The following NLRP14 variants were observed in gnomAD, a reference collection of about 807,000 sequenced individuals.
NLRP14 encodes NACHT, LRR and PYD domains-containing protein 14.
Under a neutral mutation model 94.7 loss-of-function variants are expected in NLRP14, and 105 were observed. That is an observed-to-expected ratio of 1.11 (90% CI 0.95 to 1.30). The LOEUF (loss-of-function observed/expected upper bound fraction) is 1.30, where lower values mean the gene tolerates loss of function less well. Among genes scored for constraint, NLRP14 ranks in the 50% most tolerant of loss-of-function variants. NLRP14 has a pLI of 0.00. For missense variants in NLRP14, 1,362 were observed against 1,254.1 expected (o/e 1.09, Z -1.30); for synonymous variants, 508 against 459.9 (o/e 1.10, Z -1.34).
chr11:7,027,925 C>G (rs1271280100), intron 1 of NLRP14, among the ~76,000 whole-genome samples: 1 of 152,066 alleles, frequency 6.6e-6, no homozygotes, highest in African/African-American at 2.4e-5. Context: ...CAGGTTTTTC[C>G]TCTCTGGATG....
At chr11:7,073,225 T>A (rs1188094361), downstream of NLRP14, among the ~76,000 whole-genome samples, 1 of 152,218 alleles carries the variant, frequency 6.6e-6, no homozygotes, top group Non-Finnish European at 1.5e-5. Flanking sequence ...CCAGCTCAGA[T>A]TCTGGGAGAA....
At chr11:7,055,736 C>CT (rs1852507056) in intron 6 of NLRP14, among the ~76,000 whole-genome samples, 1 of 152,090 alleles carries the variant, frequency 6.6e-6, no homozygotes, top group South Asian at 2.1e-4. Context: ...CATGGGTTCT[C>CT]TAAGTCAACA....
chr11:7,055,943 A>G lies in NLRP14; in HGVS notation c.2292-1734A>G, dbSNP rs149603210. On this transcript the variant is annotated intron_variant, in intron 6 of 11. Coordinates refer to ENST00000299481, the MANE Select transcript of NLRP14 (RefSeq NM_176822.4). ...GCAGGCTCTTAAGAAGGAACTAAAT[A>G]TAAGTGATAAGCTAATCTGTCTCCT... Among the ~76,000 whole-genome samples the G allele has an allele frequency of 7.1e-3, 1,084 of 152,144 alleles. 11 individuals carry two copies. Among genetic ancestry groups the G allele is most frequent in the African/African-American group, 0.019 (793 of 41,530 alleles).
chr11:7,054,363 G>T (rs950694074), intron 6 of NLRP14, among the ~76,000 whole-genome samples: 8 of 151,960 alleles, frequency 5.3e-5, no homozygotes, highest in South Asian at 2.1e-4. Flanking sequence ...TCTAGTTTTG[G>T]TTTTTTTGAG....
intron 10 of NLRP14, among the ~76,000 whole-genome samples, chr11:7,066,681 A>G (rs1852711314): frequency 3.9e-5 from 6 of 152,098 alleles, no homozygotes; most frequent in Admixed American, 3.9e-4. Context: ...GCTGTACAGA[A>G]GCTCTTTAGT....
intron 3 of NLRP14, 113 bp from the exon 4 acceptor site, chr11:7,042,275 G>C: frequency 2.5e-6 from 2 of 813,440 alleles, no homozygotes; most frequent in South Asian, 1.5e-5. Context: ...TTCAGCCTAT[G>C]TTCTTTCTTG....
At position 7,058,382 on chromosome 11, in the gene NLRP14, G is replaced by C; in HGVS notation, c.2565G>C (p.Leu855Phe). ...ATTTGTGCTTGGCAGACAATGTCTT[G>C]GGTGATGGTGGAGTAAAGCTTATGA... ...LTHLCLADNV[L>F]GDGGVKLMSD... The change falls in exon 8 of 12, where the codon TTG (leucine) becomes TTC (phenylalanine). Residue 855 changes from leucine to phenylalanine, a missense_variant. Coordinates refer to ENST00000299481, the MANE Select transcript of NLRP14 (RefSeq NM_176822.4). 2 of 1,612,838 alleles carry C rather than the reference G, an allele frequency of 1.2e-6. No individual in the cohort carries two copies. Among genetic ancestry groups the C allele is most frequent in the Non-Finnish European group, 1.7e-6 (2 of 1,179,016 alleles).
Position 7,043,087 on chromosome 11 carries a change from G to A in NLRP14, c.1061G>A (p.Ser354Asn), listed in dbSNP as rs1170432117. Residue 354 changes from serine (S) to asparagine (N), a missense_variant, in exon 4 of 12, where the codon AGT (serine) becomes AAT (asparagine). Ser to Asn is a conservative substitution (Grantham distance 46, BLOSUM62 1). Coordinates refer to ENST00000299481, the MANE Select transcript of NLRP14 (RefSeq NM_176822.4). The stretch of plus-strand genomic sequence containing the variant: ...AAGAGGTGGGCCATGAAAGTATTCA[G>A]TTCACTAAAAAGCAATGAGATGCTG... ...EDKRWAMKVF[S>N]SLKSNEMLFS... 3 of 1,614,140 alleles carry A rather than the reference G, an allele frequency of 1.9e-6. No individual in the cohort carries two copies. Among genetic ancestry groups the A allele is most frequent in the South Asian group, 1.1e-5 (1 of 91,080 alleles).
intron 1 of NLRP14, among the ~76,000 whole-genome samples, chr11:7,029,779 AAG>A (rs1408592082): frequency 2.0e-5 from 3 of 152,206 alleles, no homozygotes; most frequent in Non-Finnish European, 2.9e-5. Flanking sequence ...CCAAACTAAA[AAG>A]AGTTTACCTT....
chr11:7,055,096 C>A (rs758331361), intron 6 of NLRP14, among the ~76,000 whole-genome samples: 11 of 152,012 alleles, frequency 7.2e-5, no homozygotes, highest in African/African-American at 2.4e-4. Flanking sequence ...GCACCTTTGT[C>A]GAAAATGAGT....
chr11:7,021,599 T>C (rs899113224), intron 1 of NLRP14, among the ~76,000 whole-genome samples: 2 of 152,128 alleles, frequency 1.3e-5, no homozygotes, highest in African/African-American at 4.8e-5. Flanking sequence ...CGCTCACCCT[T>C]AAGTATTTTC....
At chr11:7,069,858 C>T (rs1852765398) in intron 10 of NLRP14, among the ~76,000 whole-genome samples, 1 of 152,028 alleles carries the variant, frequency 6.6e-6, no homozygotes, top group Admixed American at 6.6e-5. Context: ...AACTCCTAAC[C>T]TCAGATGATC....
At chr11:7,044,051 G>C (rs1852314503) in intron 4 of NLRP14, 67 bp downstream of exon 4, 4 of 1,513,338 alleles carry the variant, frequency 2.6e-6, no homozygotes, top group Non-Finnish European at 3.7e-6. Flanking sequence ...TTGTCAGAGG[G>C]AGGAGGCGTT....
At chr11:7,088,634 T>G in the NLRP14 span, among the ~76,000 whole-genome samples, 39 of 152,268 alleles carry the variant, frequency 2.6e-4, no homozygotes, top group South Asian at 7.7e-3. Context: ...ACTTGTTAAC[T>G]GTTATTACTC....
At chr11:7,079,749 C>T in the NLRP14 span, among the ~76,000 whole-genome samples, 2 of 152,142 alleles carry the variant, frequency 1.3e-5, no homozygotes, top group East Asian at 1.9e-4. Flanking sequence ...GGAGCAAGGG[C>T]AAGAGCACAT....
rs1398512266 is a variant in NLRP14, at chr11:7,059,975, G to C, written c.2715G>C (p.Leu905=). 1 of 1,612,636 alleles carries C rather than the reference G, an allele frequency of 6.2e-7. No homozygotes were observed. The highest frequency in any genetic ancestry group is 1.3e-5 in the African/African-American group (1 of 74,832). Residue 905 remains leucine (L), a synonymous_variant, in exon 9 of 12, where the codon CTG becomes CTC. Coordinates refer to ENST00000299481, the MANE Select transcript of NLRP14 (RefSeq NM_176822.4). ...SLLHNKSLTH[L]DLGSNWLQDN... ...TACACAACAAGAGCCTGACGCATCT[G>C]GATCTAGGATCAAACTGGCTACAAG...
At chr11:7,046,375 A>T (rs988671281) in intron 4 of NLRP14, among the ~76,000 whole-genome samples, 4 of 152,118 alleles carry the variant, frequency 2.6e-5, no homozygotes, top group Non-Finnish European at 4.4e-5. Context: ...CAAGTATTTG[A>T]ATACTTCTCT....
At chr11:7,064,913 G>C (rs950233942) in intron 10 of NLRP14, among the ~76,000 whole-genome samples, 6 of 151,672 alleles carry the variant, frequency 4.0e-5, no homozygotes, top group African/African-American at 1.5e-4. Context: ...TTGGTGCGTG[G>C]ATCTGTTCCT....
At chr11:7,062,546 T>C (rs751741407) in intron 10 of NLRP14, 43 bp downstream of exon 10, 4 of 1,509,432 alleles carry the variant, frequency 2.7e-6, no homozygotes, top group Non-Finnish European at 2.8e-6. Context: ...GCCTATTTGG[T>C]AGCTAGTATA....
Sources: allele counts gnomAD v4.1 joint callset (sites outside exome capture counted in the v4.1 genomes callset), GRCh38; gene constraint gnomAD v4.1.1; transcripts MANE v1.5; gene names NCBI Gene and HGNC (gene_info 2026-07-23, HGNC 2026-07-21).